The following PLPPR5 variants were observed in gnomAD, a reference collection of about 807,000 sequenced individuals.
The protein encoded by PLPPR5 is phospholipid phosphatase related 5.
In PLPPR5, 16 loss-of-function variants were observed where a neutral mutation model predicts 33.9. The observed-to-expected ratio is 0.47, with a 90% CI of 0.32 to 0.72. PLPPR5 has a LOEUF of 0.72. PLPPR5 is among the 30% of genes least tolerant of loss of function. The pLI is 0.03. For missense variants in PLPPR5, 301 were observed against 406.7 expected (o/e 0.74, Z 2.23); for synonymous variants, 163 against 150.3 (o/e 1.08, Z -0.62).
At chr1:98,914,249 C>T (rs890854864) in intron 5 of PLPPR5, among the ~76,000 whole-genome samples, 8 of 152,160 alleles carry the variant, frequency 5.3e-5, no homozygotes, top group Non-Finnish European at 1.2e-4. Flanking sequence ...GGATTTCACA[C>T]ACAGGTACTC....
intron 3 of PLPPR5, 146 bp downstream of exon 3, chr1:98,952,924 C>T: frequency 1.1e-6 from 1 of 938,990 alleles, no homozygotes; most frequent in East Asian, 2.7e-5. Context: ...GTACAAACAG[C>T]TATTATTAAA....
intron 3 of PLPPR5, among the ~76,000 whole-genome samples, chr1:98,949,249 T>TA (rs1650684749): frequency 6.6e-6 from 1 of 150,694 alleles, no homozygotes; most frequent in Non-Finnish European, 1.5e-5. Flanking sequence ...CAATGGTACT[T>TA]ACAAAAATAG....
chr1:98,946,456 C>T (rs144731369), intron 3 of PLPPR5, among the ~76,000 whole-genome samples: 126 of 152,338 alleles, frequency 8.3e-4, no homozygotes, highest in Admixed American at 1.6e-3. Flanking sequence ...TTAAATCCCA[C>T]AGTTCCAAAT....
chr1:98,904,927 A>AT (rs1157957662), intron 5 of PLPPR5, among the ~76,000 whole-genome samples: 1 of 152,194 alleles, frequency 6.6e-6, no homozygotes, highest in East Asian at 1.9e-4. Context: ...ATGAGGTGAG[A>AT]TAAGTCCTCT....
At chr1:98,922,921 C>T (rs1432202999) in intron 3 of PLPPR5, among the ~76,000 whole-genome samples, 2 of 151,936 alleles carry the variant, frequency 1.3e-5, no homozygotes, top group South Asian at 2.1e-4. Context: ...GAAGGCGGAG[C>T]TTGCAGTGAG....
chr1:98,904,616 T>C (rs181773676), intron 5 of PLPPR5, among the ~76,000 whole-genome samples: 1 of 152,284 alleles, frequency 6.6e-6, no homozygotes, highest in Admixed American at 6.5e-5. Flanking sequence ...CTCCATGTGC[T>C]GACCTATGCC....
At chr1:98,946,832 T>A (rs1650573867) in intron 3 of PLPPR5, among the ~76,000 whole-genome samples, 1 of 152,060 alleles carries the variant, frequency 6.6e-6, no homozygotes, top group Non-Finnish European at 1.5e-5. Flanking sequence ...ATATCATAAC[T>A]TTTTTTTAGA....
intron 4 of PLPPR5, among the ~76,000 whole-genome samples, chr1:98,916,264 TCC>T (rs1340678372): frequency 6.6e-6 from 1 of 152,198 alleles, no homozygotes. Flanking sequence ...TCCTTCCACT[TCC>T]CAGAAGAACT....
chr1:98,920,940 A>G (rs1649530223), intron 4 of PLPPR5, among the ~76,000 whole-genome samples: 1 of 152,158 alleles, frequency 6.6e-6, no homozygotes, highest in Admixed American at 6.5e-5. Context: ...ACATGAATAG[A>G]GGGAAGTTCA....
chr1:98,923,315 C>T (rs528091737), intron 3 of PLPPR5, among the ~76,000 whole-genome samples: 2 of 152,112 alleles, frequency 1.3e-5, no homozygotes, highest in African/African-American at 4.8e-5. Flanking sequence ...ATAATATAAT[C>T]AGATTTTATG....
chr1:98,903,338 T>G (rs1648771867), intron 5 of PLPPR5, among the ~76,000 whole-genome samples: 1 of 152,104 alleles, frequency 6.6e-6, no homozygotes, highest in Non-Finnish European at 1.5e-5. Context: ...GTTCAGCAGC[T>G]CTGTAAAACA....
intron 1 of PLPPR5, among the ~76,000 whole-genome samples, chr1:98,973,706 G>T (rs1027157922): frequency 3.3e-5 from 5 of 151,962 alleles, no homozygotes; most frequent in African/African-American, 1.2e-4. Context: ...AATATAAATG[G>T]AGTCTCAGAG....
intron 1 of PLPPR5, among the ~76,000 whole-genome samples, chr1:98,998,526 G>T (rs538967934): frequency 2.0e-5 from 3 of 152,114 alleles, no homozygotes; most frequent in Non-Finnish European, 4.4e-5. Context: ...GATAGAACAC[G>T]AAGTTTTCCA....
chr1:98,980,033 G>A (rs576247742), intron 1 of PLPPR5, among the ~76,000 whole-genome samples: 2 of 151,898 alleles, frequency 1.3e-5, no homozygotes, highest in African/African-American at 4.8e-5. Flanking sequence ...GGTTTTCCTG[G>A]TCCTAAATGC....
At chr1:98,976,809 A>G (rs1286572196) in intron 1 of PLPPR5, among the ~76,000 whole-genome samples, 1 of 152,082 alleles carries the variant, frequency 6.6e-6, no homozygotes, top group East Asian at 1.9e-4. Flanking sequence ...AATTAATTTC[A>G]CCTATTTCTT....
intron 1 of PLPPR5, among the ~76,000 whole-genome samples, chr1:98,994,711 T>C (rs1304378338): frequency 6.6e-6 from 1 of 152,040 alleles, no homozygotes; most frequent in Non-Finnish European, 1.5e-5. Context: ...ATCAGAAAGG[T>C]CCCACTCCAA....
At chr1:98,956,064 A>C (rs1357931292) in intron 2 of PLPPR5, among the ~76,000 whole-genome samples, 1 of 152,148 alleles carries the variant, frequency 6.6e-6, no homozygotes, top group Non-Finnish European at 1.5e-5. Context: ...AAATCAACTT[A>C]GAAGTAGTGC....
chr1:98,897,939 C>CA (rs371401993), intron 5 of PLPPR5, among the ~76,000 whole-genome samples: 25 of 152,010 alleles, frequency 1.6e-4, no homozygotes, highest in African/African-American at 5.5e-4. Context: ...GCCACAGAAA[C>CA]AGCTAAAAAG....
chr1:98,951,409 G>C (rs920076616), intron 3 of PLPPR5, among the ~76,000 whole-genome samples: 6 of 152,110 alleles, frequency 3.9e-5, no homozygotes, highest in African/African-American at 1.4e-4. Flanking sequence ...TAGAGTTTGG[G>C]GACACAGTGA....
Sources: allele counts gnomAD v4.1 joint callset (sites outside exome capture counted in the v4.1 genomes callset), GRCh38; gene constraint gnomAD v4.1.1; transcripts MANE v1.5; gene names NCBI Gene and HGNC (gene_info 2026-07-23, HGNC 2026-07-21).